The following IL23R variants were observed in gnomAD, a reference collection of about 807,000 sequenced individuals.
IL23R encodes interleukin 23 receptor.
IL23R carries 34 observed loss-of-function variants against 56.9 expected under a neutral mutation model. That is an observed-to-expected ratio of 0.60 (90% confidence interval 0.45 to 0.80). The LOEUF is 0.80. Ranked by LOEUF, IL23R falls within the 30% of genes least tolerant of loss-of-function variation. The pLI, the probability that IL23R is intolerant of heterozygous loss-of-function variation, is 0.00. For synonymous variants in IL23R, 230 were observed against 249.2 expected (o/e 0.92, Z 0.73); for missense variants, 635 against 730.0 (o/e 0.87, Z 1.50).
At chr1:67,247,040 T>A (rs773846258) in intron 9 of IL23R, among the ~76,000 whole-genome samples, 1 of 152,238 alleles carries the variant, frequency 6.6e-6, no homozygotes, top group Non-Finnish European at 1.5e-5. Flanking sequence ...CTCTTCTTGT[T>A]GCATTTATCC....
chr1:67,202,224 CAG>C (rs145804337), intron 5 of IL23R, among the ~76,000 whole-genome samples: 6,381 of 152,094 alleles, frequency 0.042, 464 homozygotes, highest in African/African-American at 0.15. Context: ...TTTTTTGAGG[CAG>C]AGTCTCACTC....
intron 6 of IL23R, among the ~76,000 whole-genome samples, chr1:67,216,533 A>G (rs978753265): frequency 1.3e-5 from 2 of 152,196 alleles, no homozygotes; most frequent in African/African-American, 4.8e-5. Flanking sequence ...TTTCTGTCTC[A>G]ACTACTCAAC....
At chr1:67,247,242 T>A (rs1459688785) in intron 9 of IL23R, among the ~76,000 whole-genome samples, 1 of 152,084 alleles carries the variant, frequency 6.6e-6, no homozygotes, top group Non-Finnish European at 1.5e-5. Flanking sequence ...GCACTACTGA[T>A]GGGTCTTATT....
In IL23R at chr1:67,146,932, G is replaced by A. The variant is rs534408176; in HGVS notation, c.-634+7771G>A. 1.4e-4 allele frequency among the ~76,000 whole-genome samples: 21 copies of A among 152,192 alleles called. No homozygotes were observed. The South Asian group carries it at 4.2e-3, about 30-fold the overall frequency. On this transcript the variant is annotated intron_variant, in intron 1 of 10. Transcript: ENST00000637002. Reference sequence around the variant, plus strand: ...TGGTTATAGAACATCACTCCACCCCGGTCCATAGGGATGGGCACATGATCT... The same window carrying A: ...TGGTTATAGAACATCACTCCACCCCAGTCCATAGGGATGGGCACATGATCT...
rs1281925695 is a variant in IL23R at position 67,169,492 on chromosome 1, G to A, written c.221G>A (p.Arg74Lys). The A allele has an allele frequency of 1.9e-6, 3 of 1,614,046 alleles. No individual in the cohort carries two copies. The highest frequency in any genetic ancestry group is 2.5e-6 in the Non-Finnish European group (3 of 1,179,978). The change falls in exon 3 of 11, where the codon AGA becomes AAA. Residue 74 changes from arginine to lysine, a missense_variant. Physicochemically the swap from Arg to Lys is conservative, Grantham distance 26. Coordinates refer to ENST00000347310, the MANE Select transcript of IL23R (RefSeq NM_144701.3). ...LHFYKNGIKE[R>K]FQITRINKTT... is the part of the protein sequence containing the mutation. ...TTTTATAAAAATGGCATCAAAGAAA[G>A]ATTTCAAATCACAAGGATTAATAAA...
chr1:67,196,433 A>C (rs992119230), intron 4 of IL23R, among the ~76,000 whole-genome samples: 4 of 152,148 alleles, frequency 2.6e-5, no homozygotes, highest in African/African-American at 9.7e-5. Flanking sequence ...CCAGCTACTC[A>C]GGAGGCTGAG....
chr1:67,178,032 A>T (rs769195650), intron 3 of IL23R, among the ~76,000 whole-genome samples: 14 of 151,944 alleles, frequency 9.2e-5, no homozygotes, highest in Non-Finnish European at 1.9e-4. Context: ...CTTGTAGTAT[A>T]GTTTGAAGTC....
Position 67,218,354 on chromosome 1 carries a change from G to GTATATATA in IL23R, c.799-1219_799-1218insATATATAT, listed in dbSNP as rs776016660. ...TGTGTGTGTGTGTGTGTGTGTGTGT[G>GTATATATA]TGTGTATATATATATATATGTATGT... On this transcript the variant is annotated intron_variant, in intron 6 of 10. Coordinates refer to ENST00000347310, the MANE Select transcript of IL23R (RefSeq NM_144701.3). 1.0e-3 allele frequency among the ~76,000 whole-genome samples: 133 copies of GTATATATA among 128,518 alleles called. 1 individual carries two copies. In the East Asian group the frequency reaches 0.017, roughly 16 times the overall value. The allele number at this position is 128,518 out of a possible 152,430, so 84.3% of individuals were successfully genotyped here.
upstream of IL23R, among the ~76,000 whole-genome samples, chr1:67,163,638 C>T (rs143998661): frequency 1.8e-3 from 276 of 152,138 alleles, 1 homozygote; most frequent in Middle Eastern, 3.4e-3. Context: ...AGCGAGTTCT[C>T]GTTCAGAGTT....
chr1:67,212,543 C>T (rs567554964), intron 6 of IL23R, among the ~76,000 whole-genome samples: 2,838 of 145,100 alleles, frequency 0.02, 95 homozygotes, highest in African/African-American at 0.067. Context: ...GTCATGCAAT[C>T]TTTTTTTTTT....
intron 3 of IL23R, among the ~76,000 whole-genome samples, chr1:67,180,872 C>G (rs1647129767): frequency 6.6e-6 from 1 of 152,152 alleles, no homozygotes; most frequent in African/African-American, 2.4e-5. Flanking sequence ...TTCTCCTTCA[C>G]TTATGAAGCT....
At position 67,258,605 on chromosome 1, in the gene IL23R, G is replaced by A; in HGVS notation, c.1367G>A (p.Gly456Glu). Residue 456 changes from glycine to glutamate, a missense_variant, in exon 11 of 11, where the codon GGA becomes GAA. Gly to Glu is a moderately conservative substitution (Grantham distance 98, BLOSUM62 -2). Coordinates refer to ENST00000347310, the MANE Select transcript of IL23R (RefSeq NM_144701.3). ...ACAGACTACAAGAAGGAGAATACAG[G>A]ACCCCTGGAGACAAGAGACTACCCG... Reference protein sequence around the residue: ...KPTDYKKENTGPLETRDYPQN... With the variant: ...KPTDYKKENTEPLETRDYPQN... 1 of 1,613,630 alleles carries A rather than the reference G, an allele frequency of 6.2e-7. No individual in the cohort carries two copies. Among genetic ancestry groups the A allele is most frequent in the Non-Finnish European group, 8.5e-7 (1 of 1,179,876 alleles).
intron 1 of IL23R, among the ~76,000 whole-genome samples, chr1:67,154,943 A>G (rs1321443707): frequency 4.6e-5 from 7 of 151,964 alleles, no homozygotes; most frequent in Admixed American, 3.9e-4. Flanking sequence ...TTTTCTTTCC[A>G]TATTCAGTGC....
intron 9 of IL23R, among the ~76,000 whole-genome samples, chr1:67,255,566 G>A: frequency 6.6e-6 from 1 of 151,658 alleles, no homozygotes; most frequent in East Asian, 1.9e-4. Context: ...AGCCTCCCAA[G>A]TAGCTGGGAC....
intron 5 of IL23R, among the ~76,000 whole-genome samples, chr1:67,206,216 G>A (rs1366822831): frequency 1.3e-5 from 2 of 151,846 alleles, no homozygotes; most frequent in Admixed American, 6.6e-5. Flanking sequence ...GTTTTGCCAC[G>A]ACGACCAGGC....
chr1:67,263,365 G>A (rs1653269024), downstream of IL23R, among the ~76,000 whole-genome samples: 1 of 151,956 alleles, frequency 6.6e-6, no homozygotes, highest in Non-Finnish European at 1.5e-5. Context: ...GGAATTATAG[G>A]CATGAACCAC....
At chr1:67,181,805 G>T (rs1382423022) in intron 3 of IL23R, among the ~76,000 whole-genome samples, 2 of 152,152 alleles carry the variant, frequency 1.3e-5, no homozygotes, top group African/African-American at 2.4e-5. Context: ...GTACAGATGG[G>T]GTTTTGGTGT....
chr1:67,215,387 T>C (rs1001086948), intron 6 of IL23R, among the ~76,000 whole-genome samples: 2 of 152,244 alleles, frequency 1.3e-5, no homozygotes, highest in Non-Finnish European at 2.9e-5. Flanking sequence ...GCATGAGCTC[T>C]CCTCTACATG....
At position 67,208,276 on chromosome 1, in the gene IL23R, G is replaced by C. The variant is rs188976321; in HGVS notation, c.798+1221G>C. On this transcript the variant is annotated intron_variant, in intron 6 of 10. Coordinates refer to ENST00000347310, the MANE Select transcript of IL23R (RefSeq NM_144701.3). ...AATAGAAAAGAAAAACCCATTCTGGGGGGGAGAAATTCAAGCCAGCTGCAG... is the reference window on the plus strand; with the variant it reads ...AATAGAAAAGAAAAACCCATTCTGGCGGGGAGAAATTCAAGCCAGCTGCAG... 1.3e-3 allele frequency among the ~76,000 whole-genome samples: 199 copies of C among 152,312 alleles called. 2 individuals are homozygous for C. The highest frequency in any genetic ancestry group is 4.3e-3 in the African/African-American group (180 of 41,558).
Sources: gnomAD v4.1 joint callset for allele counts (sites outside exome capture counted in the v4.1 genomes callset) on GRCh38, gnomAD v4.1.1 for gene constraint, MANE v1.5 for transcripts, NCBI Gene and HGNC (gene_info 2026-07-23, HGNC 2026-07-21) for gene names.